The following TMEM178B variants were observed in gnomAD, a reference collection of about 807,000 sequenced individuals.
TMEM178B encodes transmembrane protein 178B.
A neutral mutation model predicts 31.0 loss-of-function variants in TMEM178B; 5 were observed. That is an observed-to-expected ratio of 0.16 (90% confidence interval 0.08 to 0.34). The LOEUF is 0.34. TMEM178B is among the 10% of genes least tolerant of loss of function. TMEM178B has a pLI of 1.00. For missense variants in TMEM178B, 275 were observed against 400.3 expected, an observed-to-expected ratio of 0.69 and a Z score of 2.67; for synonymous variants, 164 against 164.0, an observed-to-expected ratio of 1.00 and a Z score of 0.00.
chr7:141,155,074 G>T (rs1276395997), intron 1 of TMEM178B, among the ~76,000 whole-genome samples: 3 of 152,124 alleles, frequency 2.0e-5, no homozygotes, highest in East Asian at 1.9e-4. Flanking sequence ...GAGAAAACAG[G>T]TTGGTTTTCT....
At chr7:141,416,671 A>G (rs796876927) in intron 2 of TMEM178B, among the ~76,000 whole-genome samples, 3 of 152,336 alleles carry the variant, frequency 2.0e-5, no homozygotes, top group African/African-American at 7.2e-5. Flanking sequence ...GGATTTTCAC[A>G]TATCTGCCAA....
At chr7:141,244,232 A>G (rs988045310) in intron 2 of TMEM178B, among the ~76,000 whole-genome samples, 10 of 152,220 alleles carry the variant, frequency 6.6e-5, no homozygotes, top group Admixed American at 2.0e-4. Flanking sequence ...AAGTATGTCT[A>G]TGTAACATAA....
At chr7:141,321,379 G>A (rs1249900947) in intron 2 of TMEM178B, among the ~76,000 whole-genome samples, 1 of 152,188 alleles carries the variant, frequency 6.6e-6, no homozygotes, top group Non-Finnish European at 1.5e-5. Flanking sequence ...GTGCACAGTA[G>A]GACTTCAAGT....
chr7:141,263,601 G>A (rs1410548868), intron 2 of TMEM178B, among the ~76,000 whole-genome samples: 2 of 152,162 alleles, frequency 1.3e-5, no homozygotes, highest in African/African-American at 4.8e-5. Flanking sequence ...TGCAAGTGAA[G>A]GCAGAGTAAC....
At chr7:141,488,172 A>G in the TMEM178B span, among the ~76,000 whole-genome samples, 1 of 152,228 alleles carries the variant, frequency 6.6e-6, no homozygotes, top group Non-Finnish European at 1.5e-5. Flanking sequence ...ATGCTTATGC[A>G]AAGTAGTTCT....
At chr7:141,138,994 A>AG (rs1352145516) in intron 1 of TMEM178B, among the ~76,000 whole-genome samples, 1 of 151,844 alleles carries the variant, frequency 6.6e-6, no homozygotes, top group African/African-American at 2.4e-5. Context: ...AAAAAAAAAA[A>AG]GAAAAAAAAA....
chr7:141,336,185 C>G (rs1245454718), intron 2 of TMEM178B, among the ~76,000 whole-genome samples: 1 of 152,126 alleles, frequency 6.6e-6, no homozygotes, highest in East Asian at 1.9e-4. Flanking sequence ...GCTGCTCTTC[C>G]TCATCCTGAC....
intron 1 of TMEM178B, among the ~76,000 whole-genome samples, chr7:141,075,834 G>A (rs937585290): frequency 6.6e-6 from 1 of 152,204 alleles, no homozygotes; most frequent in African/African-American, 2.4e-5. Context: ...TGTGAGGTTT[G>A]CTGCTGTATT....
chr7:141,364,363 C>T (rs1799967147), intron 2 of TMEM178B, among the ~76,000 whole-genome samples: 1 of 152,088 alleles, frequency 6.6e-6, no homozygotes, highest in African/African-American at 2.4e-5. Flanking sequence ...GTATTAGGAA[C>T]ACATTAAAAA....
chr7:141,166,235 C>T (rs1284739736), intron 1 of TMEM178B, among the ~76,000 whole-genome samples: 2 of 152,152 alleles, frequency 1.3e-5, no homozygotes, highest in Non-Finnish European at 2.9e-5. Context: ...CTCTAAGGGG[C>T]CATTTTGGGC....
chr7:141,277,624 A>G (rs1029168866), intron 2 of TMEM178B, among the ~76,000 whole-genome samples: 1 of 152,206 alleles, frequency 6.6e-6, no homozygotes, highest in African/African-American at 2.4e-5. Flanking sequence ...ACTAGATGAC[A>G]GGAATTTTTC....
intron 3 of TMEM178B, among the ~76,000 whole-genome samples, chr7:141,462,525 G>A (rs1479175959): frequency 1.3e-5 from 2 of 151,972 alleles, no homozygotes; most frequent in Admixed American, 6.6e-5. Context: ...GTGGAGGGTG[G>A]TAAGGACTGA....
the TMEM178B span, among the ~76,000 whole-genome samples, chr7:141,502,209 A>G: frequency 6.6e-6 from 1 of 152,124 alleles, no homozygotes; most frequent in Admixed American, 6.5e-5. Context: ...TAAGCAAAAC[A>G]CCATCTCTTT....
At chr7:141,323,950 G>A (rs761591238) in intron 2 of TMEM178B, among the ~76,000 whole-genome samples, 3 of 152,110 alleles carry the variant, frequency 2.0e-5, no homozygotes, top group African/African-American at 2.4e-5. Context: ...GAGGAAACTA[G>A]CCATGGGATT....
At chr7:141,252,106 A>G (rs1797842842) in intron 2 of TMEM178B, among the ~76,000 whole-genome samples, 1 of 152,206 alleles carries the variant, frequency 6.6e-6, no homozygotes, top group Admixed American at 6.5e-5. Context: ...TGAAGTCACT[A>G]GAAGTACTAA....
intron 2 of TMEM178B, among the ~76,000 whole-genome samples, chr7:141,263,869 A>T (rs1798054489): frequency 6.6e-6 from 1 of 152,210 alleles, no homozygotes; most frequent in Non-Finnish European, 1.5e-5. Context: ...GAATGTACCA[A>T]AAGTGTTTAT....
chr7:141,425,913 C>T (rs184079313), intron 2 of TMEM178B, among the ~76,000 whole-genome samples: 2 of 152,290 alleles, frequency 1.3e-5, no homozygotes, highest in East Asian at 1.9e-4. Context: ...ACTACCTTCC[C>T]CCCCTATCTC....
At chr7:141,402,653 A>G (rs6976012) in intron 2 of TMEM178B, among the ~76,000 whole-genome samples, 6,682 of 152,344 alleles carry the variant, frequency 0.044, 229 homozygotes, top group African/African-American at 0.095. Context: ...ACGGGAGGTC[A>G]GAGGTGAAGG....
chr7:141,082,904 C>G (rs1174926560), intron 1 of TMEM178B, among the ~76,000 whole-genome samples: 1 of 152,154 alleles, frequency 6.6e-6, no homozygotes, highest in Non-Finnish European at 1.5e-5. Context: ...AAGTCTAGAG[C>G]CTTTTTTTCT....
Sources: gnomAD v4.1 joint callset for allele counts (sites outside exome capture counted in the v4.1 genomes callset) on GRCh38, gnomAD v4.1.1 for gene constraint, MANE v1.5 for transcripts, NCBI Gene and HGNC (gene_info 2026-07-23, HGNC 2026-07-21) for gene names.